The following AGAP1 variants were observed in gnomAD, a reference collection of about 807,000 sequenced individuals.
AGAP1 encodes the protein arf-GAP with GTPase, ANK repeat and PH domain-containing protein 1.
Under a neutral mutation model 105.3 loss-of-function variants are expected in AGAP1, and 29 were observed. That is an observed-to-expected ratio of 0.28 (90% confidence interval 0.21 to 0.38). The LOEUF (loss-of-function observed/expected upper bound fraction) is 0.38, where lower values mean the gene tolerates loss of function less well. Ranked by LOEUF, AGAP1 falls within the 10% of genes least tolerant of loss-of-function variation. The pLI is 1.00. For synonymous variants in AGAP1, 509 were observed against 485.9 expected (o/e 1.05, Z -0.63); for missense variants, 998 against 1,165.1 (o/e 0.86, Z 2.09).
intron 1 of AGAP1, among the ~76,000 whole-genome samples, chr2:235,584,193 C>T (rs1574902119): frequency 2.1e-5 from 3 of 140,000 alleles, no homozygotes; most frequent in Admixed American, 7.2e-5. Context: ...CAATAAACCA[C>T]TTTTTTTTTT....
Position 235,845,717 on chromosome 2 carries a change from C to A in AGAP1, c.1051-37628C>A, listed in dbSNP as rs768236604. On this transcript the variant is annotated intron_variant, in intron 9 of 17. Transcript: ENST00000304032. The surrounding 1 kb of genome is among the most constrained non-coding windows in gnomAD (Gnocchi z 4.8). ...ACCCAAGTCACCAGCCGGGACTATT[C>A]CTGATGTCATCTATTAACCTTCTCC... Among the ~76,000 whole-genome samples, 8 of 152,080 alleles carry A rather than the reference C, an allele frequency of 5.3e-5. No individual in the cohort carries two copies. Among genetic ancestry groups the A allele is most frequent in the Non-Finnish European group, 1.2e-4 (8 of 68,022 alleles).
rs1575997374 is a variant in AGAP1, at chr2:235,994,109, A to T, written c.1645+25486A>T. Among the ~76,000 whole-genome samples the T allele has an allele frequency of 6.6e-6, 1 of 152,186 alleles. No homozygotes were observed. Among genetic ancestry groups the T allele is most frequent in the East Asian group, 1.9e-4 (1 of 5,182 alleles). Reference sequence around the variant, plus strand: ...CCCCAGCTTCTAATTCCTCTAGAATATCATGCCCAGGTTAGGCACTCTTTC... The same window carrying T: ...CCCCAGCTTCTAATTCCTCTAGAATTTCATGCCCAGGTTAGGCACTCTTTC... On this transcript the variant is annotated intron_variant, in intron 13 of 17. Coordinates refer to ENST00000304032, the MANE Select transcript of AGAP1 (RefSeq NM_001037131.3). This position sits in a 1 kb window ranked among gnomAD's most constrained non-coding sequence, Gnocchi z 4.4.
At chr2:236,102,232 A>C (rs966286366) in intron 16 of AGAP1, among the ~76,000 whole-genome samples, 1 of 152,116 alleles carries the variant, frequency 6.6e-6, no homozygotes, top group African/African-American at 2.4e-5. Flanking sequence ...CCTGGCTAAC[A>C]CGGTGAAACC....
chr2:235,731,270 A>G, intron 3 of AGAP1, among the ~76,000 whole-genome samples: 1 of 152,326 alleles, frequency 6.6e-6, no homozygotes, highest in Non-Finnish European at 1.5e-5. Flanking sequence ...CTGAGTATAC[A>G]GCAGATGCGT....
intron 6 of AGAP1, among the ~76,000 whole-genome samples, chr2:235,796,504 G>A (rs1414219113): frequency 6.6e-6 from 1 of 152,116 alleles, no homozygotes; most frequent in Non-Finnish European, 1.5e-5. Flanking sequence ...AGGATGATAA[G>A]AGGCCTATTG....
chr2:235,579,637 G>A (rs1228496330), intron 1 of AGAP1, among the ~76,000 whole-genome samples: 2 of 152,028 alleles, frequency 1.3e-5, no homozygotes, highest in East Asian at 1.9e-4. Flanking sequence ...TTAGCCGGGC[G>A]TGGTGGTGGG....
chr2:235,654,629 T>A (rs1247337510), intron 1 of AGAP1, among the ~76,000 whole-genome samples: 2 of 152,242 alleles, frequency 1.3e-5, no homozygotes, highest in African/African-American at 4.8e-5. Context: ...GTGACACATT[T>A]AAAGTGACGT....
rs190517793 is a variant in AGAP1, at chr2:235,751,907, G to A, written c.673+1419G>A. Among the ~76,000 whole-genome samples, 540 of 152,240 alleles carry A rather than the reference G, an allele frequency of 3.5e-3. 3 individuals are homozygous for A. The highest frequency in any genetic ancestry group is 0.032 in the South Asian group (152 of 4,814). On this transcript the variant is annotated intron_variant, in intron 6 of 17. Coordinates refer to ENST00000304032, the MANE Select transcript of AGAP1 (RefSeq NM_001037131.3). This position sits in a 1 kb window ranked among gnomAD's most constrained non-coding sequence, Gnocchi z 5.3. ...TCTTCCCTCCACTAACGTATATCTC[G>A]GGCACCTCCTGCTGCCTCTGTCGGG... is the stretch of plus-strand genomic sequence containing the variant.
chr2:235,618,832 T>C (rs1559293084), intron 1 of AGAP1, among the ~76,000 whole-genome samples: 2 of 152,118 alleles, frequency 1.3e-5, no homozygotes, highest in East Asian at 1.9e-4. Context: ...CTGAAACCTG[T>C]GAATGTGTGA....
intron 1 of AGAP1, chr2:235,671,093 G>A (rs1297599256): frequency 1.1e-5 from 14 of 1,254,174 alleles, no homozygotes; most frequent in African/African-American, 1.6e-5. Context: ...GGACGGGAAG[G>A]GGCGTGGTGG....
Position 235,651,184 on chromosome 2 carries a change from CAAAAAAAAAAAAAAAAAA to C in AGAP1, c.164-57979_164-57962del, listed in dbSNP as rs55990003. The stretch of plus-strand genomic sequence containing the variant: ...AGAGTGACAGAGTGAAACTCCATCT[CAAAAAAAAAAAAAAAAAA>C]AAAAAAAAAAAAAAAGAGACACCCT... On this transcript the variant is annotated intron_variant, in intron 1 of 17. Coordinates refer to ENST00000304032, the MANE Select transcript of AGAP1 (RefSeq NM_001037131.3). Among the ~76,000 whole-genome samples the C allele has an allele frequency of 2.9e-3, 159 of 54,158 alleles. 1 individual carries two copies. The highest frequency in any genetic ancestry group is 6.7e-3 in the East Asian group (4 of 594). 35.5% of individuals were successfully genotyped at this position (54,158 alleles called of 152,430 possible).
intron 9 of AGAP1, among the ~76,000 whole-genome samples, chr2:235,837,445 C>T (rs996856180): frequency 2.6e-5 from 4 of 152,184 alleles, no homozygotes; most frequent in Admixed American, 2.6e-4. Context: ...GTCAGAACAG[C>T]TGGGAAGGTG....
chr2:236,078,108 G>A lies in AGAP1; in HGVS notation c.2114+28827G>A, dbSNP rs1396081168. On this transcript the variant is annotated intron_variant, in intron 16 of 17. Coordinates refer to ENST00000304032, the MANE Select transcript of AGAP1 (RefSeq NM_001037131.3). The surrounding 1 kb of genome is among the most constrained non-coding windows in gnomAD (Gnocchi z 5.3). ...GTGTGTAGGGCAGGCCAGCTGGTGTGTGTGTGCATGTGTGTAATCTGAAGT... is the reference window on the plus strand; with the variant it reads ...GTGTGTAGGGCAGGCCAGCTGGTGTATGTGTGCATGTGTGTAATCTGAAGT... Among the ~76,000 whole-genome samples the A allele has an allele frequency of 6.6e-6, 1 of 151,060 alleles. No homozygotes were observed. Among genetic ancestry groups the A allele is most frequent in the Non-Finnish European group, 1.5e-5 (1 of 67,776 alleles).
Position 236,040,473 on chromosome 2 carries a change from A to C in AGAP1, c.1801-278A>C. 1 of 517,636 alleles carries C rather than the reference A, an allele frequency of 1.9e-6. No individual in the cohort carries two copies. Among genetic ancestry groups the C allele is most frequent in the East Asian group, 3.2e-5 (1 of 31,146 alleles). The allele number at this position is 517,636 out of a possible 1,614,324, so 32.1% of individuals were successfully genotyped here. On this transcript the variant is annotated intron_variant, in intron 14 of 17. Transcript: ENST00000304032. This position sits in a 1 kb window ranked among gnomAD's most constrained non-coding sequence, Gnocchi z 5.6. ...GTTACCATGGTCCATGCGTATTCAC[A>C]GATGATCCAGAACTCTCCTCTTTGC...
chr2:236,026,183 A>G (rs1373734614), intron 13 of AGAP1, among the ~76,000 whole-genome samples: 3 of 152,194 alleles, frequency 2.0e-5, no homozygotes, highest in African/African-American at 7.2e-5. Context: ...CACTCTATGG[A>G]CACAACTCAG....
rs533104308 is a variant in AGAP1 at position 235,517,761 on chromosome 2, A to G, written c.163+22912A>G. ...AGACCAGCCTGGCCAACATGGTGAAACCCCGTTTCTACTAAAAATACAAAA... is the reference window on the plus strand; with the variant it reads ...AGACCAGCCTGGCCAACATGGTGAAGCCCCGTTTCTACTAAAAATACAAAA... On this transcript the variant is annotated intron_variant, in intron 1 of 17. Coordinates refer to ENST00000304032, the MANE Select transcript of AGAP1 (RefSeq NM_001037131.3). The surrounding 1 kb of genome is among the most constrained non-coding windows in gnomAD (Gnocchi z 4.1). Among the ~76,000 whole-genome samples the G allele has an allele frequency of 6.6e-6, 1 of 151,950 alleles. No individual in the cohort carries two copies. The highest frequency in any genetic ancestry group is 1.5e-5 in the Non-Finnish European group (1 of 67,992).
chr2:235,814,380 C>CTCCT (rs1453773923), intron 9 of AGAP1, among the ~76,000 whole-genome samples: 2 of 152,236 alleles, frequency 1.3e-5, no homozygotes, highest in Non-Finnish European at 2.9e-5. Flanking sequence ...AATACAAGCT[C>CTCCT]TCCTACAAGT....
chr2:235,670,609 C>T, intron 1 of AGAP1: 2 of 575,336 alleles, frequency 3.5e-6, no homozygotes, highest in South Asian at 2.0e-5. Flanking sequence ...GGACACTGGG[C>T]GGCGGAAGGC....
rs1367186947 is a variant in AGAP1, at chr2:235,566,153, G to C, written c.163+71304G>C. Among the ~76,000 whole-genome samples, 1 of 151,268 alleles carries C rather than the reference G, an allele frequency of 6.6e-6. No individual in the cohort carries two copies. Among genetic ancestry groups the C allele is most frequent in the Admixed American group, 6.6e-5 (1 of 15,190 alleles). On this transcript the variant is annotated intron_variant, in intron 1 of 17. Coordinates refer to ENST00000304032, the MANE Select transcript of AGAP1 (RefSeq NM_001037131.3). The surrounding 1 kb of genome is among the most constrained non-coding windows in gnomAD (Gnocchi z 5.2). ...GTCGCCCAGGCTAGAGTGCAGTGGC[G>C]CAACCTCGGCTCACTGCAACCTCTG... is the stretch of plus-strand genomic sequence containing the variant.
Sources: allele counts gnomAD v4.1 joint callset (sites outside exome capture counted in the v4.1 genomes callset), GRCh38; gene constraint gnomAD v4.1.1; non-coding constraint Gnocchi (gnomAD v3.1); transcripts MANE v1.5; gene names NCBI Gene and HGNC (gene_info 2026-07-23, HGNC 2026-07-21).